The following PLCL1 variants were observed in gnomAD, a reference collection of about 807,000 sequenced individuals.
PLCL1 encodes the protein phospholipase C like 1 (inactive).
A neutral mutation model predicts 84.4 loss-of-function variants in PLCL1; 41 were observed. The ratio of observed to expected loss-of-function variants is 0.49; its 90% CI spans 0.38 to 0.63. The LOEUF is 0.63. Ranked by LOEUF, PLCL1 falls within the 30% of genes least tolerant of loss-of-function variation. The pLI is 0.00. For synonymous variants in PLCL1, 490 were observed against 488.3 expected (o/e 1.00, Z -0.05); for missense variants, 1,206 against 1,367.8 (o/e 0.88, Z 1.87).
At chr2:197,922,909 C>A (rs1574950288) in intron 1 of PLCL1, among the ~76,000 whole-genome samples, 1 of 132,506 alleles carries the variant, frequency 7.5e-6, no homozygotes. Context: ...GGGGGCTGAC[C>A]CCCCCACCTC....
intron 1 of PLCL1, among the ~76,000 whole-genome samples, chr2:198,075,148 G>A (rs1296171071): frequency 6.6e-6 from 1 of 152,188 alleles, no homozygotes; most frequent in Non-Finnish European, 1.5e-5. Flanking sequence ...GCTGGCATAA[G>A]CTCCGCCAGG....
intron 1 of PLCL1, among the ~76,000 whole-genome samples, chr2:197,996,565 T>A (rs987611493): frequency 6.6e-6 from 1 of 152,036 alleles, no homozygotes; most frequent in East Asian, 1.9e-4. Context: ...GTAGGAGCAC[T>A]GTATTTTCTG....
intron 1 of PLCL1, among the ~76,000 whole-genome samples, chr2:197,907,835 C>T (rs961576869): frequency 6.6e-6 from 1 of 152,130 alleles, no homozygotes; most frequent in African/African-American, 2.4e-5. Context: ...ACTGCTAATG[C>T]CTGGTCTATC....
chr2:198,096,662 A>T lies in PLCL1; in HGVS notation c.2920-4623A>T, dbSNP rs578230341. On this transcript the variant is annotated intron_variant, in intron 3 of 5. Coordinates refer to ENST00000428675, the MANE Select transcript of PLCL1 (RefSeq NM_006226.4). ...TTAAAACTTTACTATGGTAAGAACA[A>T]TTTTTTTTAAATTTGTTGTTAAAAA... is the stretch of plus-strand genomic sequence containing the variant. 1.2e-4 allele frequency among the ~76,000 whole-genome samples: 19 copies of T among 152,186 alleles called. No homozygotes were observed. In the East Asian group the frequency reaches 3.7e-3, roughly 29 times the overall value.
intron 5 of PLCL1, among the ~76,000 whole-genome samples, chr2:198,120,566 TGTAAA>T (rs1440428235): frequency 6.6e-6 from 1 of 152,006 alleles, no homozygotes; most frequent in Admixed American, 6.6e-5. Flanking sequence ...ACTTAGAACA[TGTAAA>T]GTTTGTTTTT....
chr2:198,029,132 A>G (rs1440979687), intron 1 of PLCL1, among the ~76,000 whole-genome samples: 1 of 152,164 alleles, frequency 6.6e-6, no homozygotes, highest in Admixed American at 6.5e-5. Flanking sequence ...TGATGCTGAG[A>G]CTAAAAGTAA....
chr2:198,141,611 G>A (rs964822950), intron 5 of PLCL1, among the ~76,000 whole-genome samples: 1 of 152,102 alleles, frequency 6.6e-6, no homozygotes, highest in African/African-American at 2.4e-5. Flanking sequence ...AAATGATAGA[G>A]TCCCAACGGA....
intron 1 of PLCL1, among the ~76,000 whole-genome samples, chr2:197,934,490 A>C (rs1689011133): frequency 6.6e-6 from 1 of 152,170 alleles, no homozygotes; most frequent in African/African-American, 2.4e-5. Flanking sequence ...CCAAGACAGA[A>C]GGTTTCTTTT....
At chr2:197,839,500 A>G (rs377503567) in intron 1 of PLCL1, among the ~76,000 whole-genome samples, 3 of 152,218 alleles carry the variant, frequency 2.0e-5, no homozygotes, top group East Asian at 3.8e-4. Flanking sequence ...TAATGCTGCC[A>G]CTGGTCTGAC....
chr2:197,840,385 ATT>A (rs1686971968), intron 1 of PLCL1, among the ~76,000 whole-genome samples: 1 of 152,154 alleles, frequency 6.6e-6, no homozygotes, highest in Non-Finnish European at 1.5e-5. Flanking sequence ...TAATTTTAAT[ATT>A]GTCAGTTTTA....
At chr2:197,922,591 G>A (rs1358366072) in intron 1 of PLCL1, among the ~76,000 whole-genome samples, 4 of 138,968 alleles carry the variant, frequency 2.9e-5, no homozygotes, top group Non-Finnish European at 4.8e-5. Context: ...AGGGGCAGCC[G>A]GGCAGAGGCG....
At chr2:198,005,969 T>G (rs1690719616) in intron 1 of PLCL1, among the ~76,000 whole-genome samples, 1 of 152,208 alleles carries the variant, frequency 6.6e-6, no homozygotes, top group Non-Finnish European at 1.5e-5. Flanking sequence ...GCTTAATAAA[T>G]CCTTGTTGAA....
intron 1 of PLCL1, among the ~76,000 whole-genome samples, chr2:197,972,176 T>C (rs1052543307): frequency 3.9e-5 from 6 of 152,256 alleles, no homozygotes; most frequent in African/African-American, 1.4e-4. Flanking sequence ...TTGGGAATTA[T>C]GCCATGAGGG....
chr2:197,866,198 T>A (rs1488013909), intron 1 of PLCL1, among the ~76,000 whole-genome samples: 1 of 129,650 alleles, frequency 7.7e-6, no homozygotes, highest in African/African-American at 3.0e-5. Flanking sequence ...ATAAACTATA[T>A]ATATATATAT....
intron 1 of PLCL1, among the ~76,000 whole-genome samples, chr2:197,923,972 A>T (rs1339951000): frequency 4.1e-3 from 599 of 145,164 alleles, no homozygotes; most frequent in African/African-American, 0.016. Context: ...CCCGGCCAAC[A>T]CAGCGAAACC....
intron 1 of PLCL1, among the ~76,000 whole-genome samples, chr2:198,033,684 G>T (rs1691485240): frequency 6.6e-6 from 1 of 152,068 alleles, no homozygotes; most frequent in Non-Finnish European, 1.5e-5. Context: ...TGTAACATTG[G>T]AAATCACCCA....
rs1690456005 is a variant in PLCL1, at chr2:197,805,555, GA to G, written c.240+220del. Among the ~76,000 whole-genome samples the G allele has an allele frequency of 6.6e-6, 1 of 152,202 alleles. No individual in the cohort carries two copies. Among genetic ancestry groups the G allele is most frequent in the African/African-American group, 2.4e-5 (1 of 41,450 alleles). On this transcript the variant is annotated intron_variant, in intron 1 of 5. Transcript: ENST00000428675. This position sits in a 1 kb window ranked among gnomAD's most constrained non-coding sequence, Gnocchi z 4.0. ...CTTTTTCTCCCCACTGACGGCAGAG[GA>G]AAAGTTCCGCTCTGCGTCTTTGCGT...
chr2:197,945,910 A>G (rs1482909693), intron 1 of PLCL1, among the ~76,000 whole-genome samples: 2 of 152,282 alleles, frequency 1.3e-5, no homozygotes, highest in Admixed American at 1.3e-4. Flanking sequence ...TAATATATGT[A>G]TATGTACACA....
Position 197,804,953 on chromosome 2 carries a change from C to T in PLCL1, c.-147C>T. ...CCTCTCCAGAAAGTTGCCGCCGCCG[C>T]CGCCGCCGCCGCCACTGCCGCCGCT... On this transcript the variant is annotated 5_prime_UTR_variant, in exon 1 of 6. Coordinates refer to ENST00000428675, the MANE Select transcript of PLCL1 (RefSeq NM_006226.4). The T allele has an allele frequency of 9.9e-7, 1 of 1,011,146 alleles. No homozygotes were observed. Among genetic ancestry groups the T allele is most frequent in the Non-Finnish European group, 1.4e-6 (1 of 725,524 alleles). The allele number at this position is 1,011,146 out of a possible 1,614,324, so 62.6% of individuals were successfully genotyped here.
Sources: allele counts gnomAD v4.1 joint callset (sites outside exome capture counted in the v4.1 genomes callset), GRCh38; gene constraint gnomAD v4.1.1; non-coding constraint Gnocchi (gnomAD v3.1); transcripts MANE v1.5; gene names NCBI Gene and HGNC (gene_info 2026-07-23, HGNC 2026-07-21).